BAHCC1: variants seen among roughly 807,000 people sequenced by gnomAD.
The protein encoded by BAHCC1 is BAH domain and coiled-coil containing 1.
In BAHCC1, 43 loss-of-function variants were observed where a neutral mutation model predicts 88.2. The observed-to-expected ratio is 0.49, with a 90% CI of 0.38 to 0.63. BAHCC1 has a LOEUF of 0.63. Ranked by LOEUF, BAHCC1 falls within the 20% of genes least tolerant of loss-of-function variation. BAHCC1 has a pLI of 0.00. For missense variants in BAHCC1, 3,023 were observed against 1,654.8 expected, an observed-to-expected ratio of 1.83 and a Z score of -14.34; for synonymous variants, 1,510 against 745.5, an observed-to-expected ratio of 2.03 and a Z score of -16.71.
At chr17:81,451,162 G>A in intron 11 of BAHCC1, 1 of 156,692 alleles carries the variant, frequency 6.4e-6, no homozygotes, top group Non-Finnish European at 1.4e-5. Flanking sequence ...AAGCCACGTA[G>A]ACAGACGCCT....
At position 81,445,191 on chromosome 17, in the gene BAHCC1, G is replaced by GCCAC; in HGVS notation, c.2835+14_2835+17dup. ...CGCCCAGTTCCAGGTACCGCCCCTA[G>GCCAC]CCACGCTCACCTGGGCCGGGCACTT... On this transcript the variant is annotated intron_variant, in intron 9 of 27. Coordinates refer to ENST00000675386, the MANE Select transcript of BAHCC1 (RefSeq NM_001377448.1). The GCCAC allele has an allele frequency of 1.3e-6, 1 of 759,546 alleles. No homozygotes were observed. The highest frequency in any genetic ancestry group is 2.4e-6 in the Non-Finnish European group (1 of 409,006). 47.1% of individuals were successfully genotyped at this position (759,546 alleles called of 1,614,324 possible). A position where few individuals can be genotyped will look rare whatever the true frequency, so the allele number is the denominator to read the frequency against.
chr17:81,441,773 G>A (rs1179877920), intron 4 of BAHCC1, 58 bp from the exon 5 acceptor site: 4 of 511,520 alleles, frequency 7.8e-6, no homozygotes, highest in Non-Finnish European at 1.4e-5. Context: ...GTCTCAGGGA[G>A]TCTTTCTCCA....
chr17:81,402,699 GC>G (rs1555646264), intron 2 of BAHCC1: 1 of 152,268 alleles, frequency 6.6e-6, no homozygotes, highest in Non-Finnish European at 1.5e-5. Flanking sequence ...TTGCTGGGCT[GC>G]TCTTCCTGTG....
At position 81,422,975 on chromosome 17, in the gene BAHCC1, C is replaced by G; in HGVS notation, c.179-3825C>G. 2 of 288,086 alleles carry G rather than the reference C, an allele frequency of 6.9e-6. 1 individual carries two copies. The highest frequency in any genetic ancestry group is 5.1e-5 in the South Asian group (2 of 39,402). The allele number at this position is 288,086 out of a possible 1,614,324, so 17.8% of individuals were successfully genotyped here. A position where few individuals can be genotyped will look rare whatever the true frequency, so the allele number is the denominator to read the frequency against. On this transcript the variant is annotated intron_variant, in intron 2 of 27. Coordinates refer to ENST00000675386, the MANE Select transcript of BAHCC1 (RefSeq NM_001377448.1). ...CAGGGGAAGCCAGCACTTCCCTTCC[C>G]AACCCAGAGTCCCCTCCCTGGCTGC...
chr17:81,419,346 C>G (rs2064083769), intron 2 of BAHCC1, among the ~76,000 whole-genome samples: 1 of 152,274 alleles, frequency 6.6e-6, no homozygotes, highest in Non-Finnish European at 1.5e-5. Context: ...CCCTCTGCAT[C>G]CACGCAGGAA....
chr17:81,459,151 C>T lies in BAHCC1; in HGVS notation c.5703C>T (p.Thr1901=), dbSNP rs377523474. ...TGCTGTACGCGGGCAGCGTCAGGAC[C>T]CTGCAGCCACCCGACATGTGAGGCC... ...DSLLYAGSVR[T]LQPPDIYSIV... The change falls in exon 21 of 28, where the codon ACC becomes ACT. Residue 1901 remains threonine, a synonymous_variant. Coordinates refer to ENST00000675386, the MANE Select transcript of BAHCC1 (RefSeq NM_001377448.1). The T allele has an allele frequency of 1.9e-4, 145 of 769,390 alleles. No individual in the cohort carries two copies. Among genetic ancestry groups the T allele is most frequent in the African/African-American group, 3.4e-5 (2 of 58,918 alleles). 47.7% of individuals were successfully genotyped at this position (769,390 alleles called of 1,614,324 possible).
Position 81,463,334 on chromosome 17 carries a change from C to T in BAHCC1, c.7621-277C>T, listed in dbSNP as rs143312453. 6.0e-4 allele frequency among the ~76,000 whole-genome samples: 92 copies of T among 152,350 alleles called. 1 individual carries two copies. The highest frequency in any genetic ancestry group is 2.0e-3 in the African/African-American group (82 of 41,582). On this transcript the variant is annotated intron_variant, in intron 27 of 27. Coordinates refer to ENST00000675386, the MANE Select transcript of BAHCC1 (RefSeq NM_001377448.1). ...CCTCTGCTCCTCTCTGAGAAGAAGC[C>T]ATTTTCCAGACCATATGACACGTCC...
In BAHCC1 at chr17:81,447,824, CAG is replaced by C. The variant is rs2064562553; in HGVS notation, c.3955_3956del (p.Arg1319GlufsTer2). Reference protein sequence around the residue: ...SELADLAIQRQRSERTVPEEE... With the variant: ...SELADLAIQRXRSERTVPEEE... ...GCTGGCTGACCTGGCAATCCAGCGG[CAG>C]AGGAGTGAGAGGACTGTGCCAGGTA... On this transcript the variant is annotated frameshift_variant, in exon 11 of 28. Coordinates refer to ENST00000675386, the MANE Select transcript of BAHCC1 (RefSeq NM_001377448.1). LOFTEE classifies it high-confidence loss of function. 1 of 744,942 alleles carries C rather than the reference CAG, an allele frequency of 1.3e-6. No homozygotes were observed. The highest frequency in any genetic ancestry group is 2.5e-6 in the Non-Finnish European group (1 of 400,506). 46.1% of individuals were successfully genotyped at this position (744,942 alleles called of 1,614,324 possible). A position where few individuals can be genotyped will look rare whatever the true frequency, so the allele number is the denominator to read the frequency against.
At chr17:81,451,574 T>A in intron 11 of BAHCC1, 94 bp from the exon 12 acceptor site, 2 of 639,408 alleles carry the variant, frequency 3.1e-6, no homozygotes, top group Non-Finnish European at 5.7e-6. Context: ...TCTTCAAGGC[T>A]GGGTGGCTTC....
chr17:81,408,972 G>A lies in BAHCC1; in HGVS notation c.178+9055G>A, dbSNP rs141631521. ...ACGCTCAGGTGACGCGCACAGGCAC[G>A]CGTGTGTGGGTGTGAAGAGCTCTGC... is the stretch of plus-strand genomic sequence containing the variant. On this transcript the variant is annotated intron_variant, in intron 2 of 27. Transcript: ENST00000675386. Among the ~76,000 whole-genome samples the A allele has an allele frequency of 4.4e-3, 675 of 152,382 alleles. 4 individuals are homozygous for A. The highest frequency in any genetic ancestry group is 7.4e-3 in the Non-Finnish European group (503 of 68,040).
rs1016657445 is a variant in BAHCC1, at chr17:81,465,510, T to C, written c.*1693T>C. The stretch of plus-strand genomic sequence containing the variant: ...AACGCATGGGGGGCCACACACTCCT[T>C]ATATCCTCCCACACTAAGGTTCCCC... On this transcript the variant is annotated 3_prime_UTR_variant, in exon 28 of 28. Coordinates refer to ENST00000675386, the MANE Select transcript of BAHCC1 (RefSeq NM_001377448.1). 3.9e-5 allele frequency: 6 copies of C among 152,330 alleles called. No individual in the cohort carries two copies. Among genetic ancestry groups the C allele is most frequent in the African/African-American group, 7.2e-5 (3 of 41,444 alleles). The allele number at this position is 152,330 out of a possible 1,614,324, so 9.4% of individuals were successfully genotyped here.
intron 3 of BAHCC1, among the ~76,000 whole-genome samples, chr17:81,436,404 G>A (rs2064336869): frequency 6.6e-6 from 1 of 152,242 alleles, no homozygotes; most frequent in African/African-American, 2.4e-5. Context: ...CTGGAGGCCT[G>A]GACCTCTGGA....
intron 13 of BAHCC1, 58 bp downstream of exon 13, chr17:81,452,165 G>T: frequency 7.2e-6 from 4 of 558,192 alleles, no homozygotes; most frequent in Non-Finnish European, 1.3e-5. Flanking sequence ...CCCCCGGGAG[G>T]CGCCCACAGT....
At chr17:81,428,833 G>A (rs1262290551) in intron 3 of BAHCC1, among the ~76,000 whole-genome samples, 1 of 152,256 alleles carries the variant, frequency 6.6e-6, no homozygotes, top group Admixed American at 6.5e-5. Context: ...CATGGGGCCC[G>A]GCATCGGTGG....
chr17:81,433,166 G>T (rs1555651186), intron 3 of BAHCC1, among the ~76,000 whole-genome samples: 3 of 151,786 alleles, frequency 2.0e-5, no homozygotes, highest in South Asian at 2.1e-4. Flanking sequence ...GCCTCAGGGG[G>T]CCCCAAGGAT....
chr17:81,411,765 TC>T lies in BAHCC1; in HGVS notation c.178+11851del. Reference sequence around the variant, plus strand: ...GAGCTCTGGGGGCCCCAACCCAGCCTCCCTGGGTCTCTGGGCCTTTGCCTCT... The same window carrying T: ...GAGCTCTGGGGGCCCCAACCCAGCCTCCTGGGTCTCTGGGCCTTTGCCTCT... On this transcript the variant is annotated intron_variant, in intron 2 of 27. Coordinates refer to ENST00000675386, the MANE Select transcript of BAHCC1 (RefSeq NM_001377448.1). This position sits in a 1 kb window ranked among gnomAD's most constrained non-coding sequence, Gnocchi z 6.2. Among the ~76,000 whole-genome samples, 1 of 152,184 alleles carries T rather than the reference TC, an allele frequency of 6.6e-6. No individual in the cohort carries two copies. The highest frequency in any genetic ancestry group is 1.5e-5 in the Non-Finnish European group (1 of 67,994).
At position 81,417,068 on chromosome 17, in the gene BAHCC1, G is replaced by A. The variant is rs1443154528; in HGVS notation, c.179-9732G>A. Among the ~76,000 whole-genome samples the A allele has an allele frequency of 3.9e-5, 6 of 152,166 alleles. No homozygotes were observed. In the East Asian group the frequency reaches 1.2e-3, roughly 29 times the overall value. On this transcript the variant is annotated intron_variant, in intron 2 of 27. Coordinates refer to ENST00000675386, the MANE Select transcript of BAHCC1 (RefSeq NM_001377448.1). ...GGGGCTCCGGTTGAGAGGCCGGAGTGTAGGAGGGCAGGTGGGTGTCCACGT... is the reference window on the plus strand; with the variant it reads ...GGGGCTCCGGTTGAGAGGCCGGAGTATAGGAGGGCAGGTGGGTGTCCACGT...
intron 9 of BAHCC1, 78 bp downstream of exon 9, chr17:81,445,256 C>T (rs2064502857): frequency 8.3e-6 from 6 of 720,168 alleles, no homozygotes; most frequent in South Asian, 7.3e-5. Context: ...TCCAGGAGAC[C>T]CCTGCATGCC....
At chr17:81,454,880 C>T (rs1268230004) in intron 14 of BAHCC1, among the ~76,000 whole-genome samples, 14 of 152,228 alleles carry the variant, frequency 9.2e-5, no homozygotes, top group African/African-American at 2.7e-4. Context: ...CCCCAGCCCC[C>T]GACACCTGGC....
Sources: gnomAD v4.1 joint callset for allele counts (sites outside exome capture counted in the v4.1 genomes callset) on GRCh38, gnomAD v4.1.1 for gene constraint, Gnocchi (gnomAD v3.1) non-coding constraint, MANE v1.5 for transcripts, NCBI Gene and HGNC (gene_info 2026-07-23, HGNC 2026-07-21) for gene names.